The following RSPRY1 variants were observed in gnomAD, a reference collection of about 807,000 sequenced individuals.
RSPRY1 encodes the protein RING finger and SPRY domain-containing protein 1.
RSPRY1 carries 23 observed loss-of-function variants against 73.1 expected under a neutral mutation model. The observed-to-expected ratio is 0.31, with a 90% confidence interval of 0.23 to 0.45. The LOEUF is 0.45. RSPRY1 is among the 20% of genes least tolerant of loss of function. RSPRY1 has a pLI of 1.00. For missense variants in RSPRY1, 448 were observed against 698.7 expected (o/e 0.64, Z 4.05); for synonymous variants, 226 against 251.4 (o/e 0.90, Z 0.95).
chr16:57,236,532 C>G (rs2075302103), intron 14 of RSPRY1, among the ~76,000 whole-genome samples: 1 of 152,152 alleles, frequency 6.6e-6, no homozygotes, highest in African/African-American at 2.4e-5. Context: ...GACTGAAAAT[C>G]TAAGCATTCC....
intron 12 of RSPRY1, 43 bp downstream of exon 12, chr16:57,230,856 A>G: frequency 8.9e-7 from 1 of 1,122,218 alleles, no homozygotes; most frequent in Non-Finnish European, 1.3e-6. Flanking sequence ...AGATGCACGG[A>G]ATGCCCTTTT....
intron 8 of RSPRY1, 55 bp from the exon 9 acceptor site, chr16:57,220,677 C>A: frequency 8.4e-7 from 1 of 1,190,344 alleles, no homozygotes; most frequent in Non-Finnish European, 1.2e-6. Context: ...GCACTAGCTT[C>A]TTCTTTTCTC....
intron 1 of RSPRY1, among the ~76,000 whole-genome samples, chr16:57,197,894 C>T (rs10153056): frequency 0.84 from 126,540 of 151,284 alleles, 53,042 homozygotes; most frequent in Non-Finnish European, 0.88. Flanking sequence ...CAGCTAATTT[C>T]TTAATTTTTT....
intron 5 of RSPRY1, 122 bp downstream of exon 5, chr16:57,213,220 G>A (rs2074877872): frequency 2.1e-6 from 2 of 970,280 alleles, no homozygotes; most frequent in South Asian, 2.1e-5. Flanking sequence ...ATGATATTGA[G>A]AGACATAGAC....
At chr16:57,214,041 G>A in intron 6 of RSPRY1, 95 bp downstream of exon 6, 1 of 820,210 alleles carries the variant, frequency 1.2e-6, no homozygotes, top group Non-Finnish European at 2.1e-6. Context: ...ATAGCCACTG[G>A]CACAGAGAAT....
intron 11 of RSPRY1, among the ~76,000 whole-genome samples, chr16:57,229,344 T>C (rs2075170367): frequency 6.6e-6 from 1 of 152,198 alleles, no homozygotes; most frequent in Admixed American, 6.5e-5. Context: ...GCTCATACTT[T>C]TAATCCCAGC....
intron 11 of RSPRY1, among the ~76,000 whole-genome samples, chr16:57,228,093 G>GT (rs1161074533): frequency 6.6e-6 from 1 of 152,004 alleles, no homozygotes; most frequent in Non-Finnish European, 1.5e-5. Context: ...GGCCAACATG[G>GT]TGAAACCTCA....
intron 8 of RSPRY1, among the ~76,000 whole-genome samples, chr16:57,217,983 C>T (rs1250381749): frequency 2.6e-5 from 4 of 152,172 alleles, no homozygotes; most frequent in African/African-American, 9.7e-5. Context: ...AGCAGTGCTG[C>T]CTTTCCTAGC....
At chr16:57,219,323 T>C (rs2074997149) in intron 8 of RSPRY1, among the ~76,000 whole-genome samples, 1 of 152,226 alleles carries the variant, frequency 6.6e-6, no homozygotes, top group Admixed American at 6.5e-5. Flanking sequence ...CCAGCATTCA[T>C]TGTTGCCTGT....
intron 1 of RSPRY1, among the ~76,000 whole-genome samples, chr16:57,201,003 C>CG (rs1473220502): frequency 1.6e-5 from 2 of 122,238 alleles, no homozygotes; most frequent in Non-Finnish European, 3.5e-5. Flanking sequence ...GCTGGCCGGG[C>CG]GGGGGGCTGA....
chr16:57,239,024 T>A lies in RSPRY1; in HGVS notation c.*49T>A. On this transcript the variant is annotated 3_prime_UTR_variant, in exon 15 of 15. Coordinates refer to ENST00000394420, the MANE Select transcript of RSPRY1 (RefSeq NM_133368.3). ...CTTTTTTCTACTCAATTCCAGCCAA[T>A]GTTGAAAAGAAAAAGAAAAAAAAAA... The A allele has an allele frequency of 9.6e-7, 1 of 1,036,382 alleles. No homozygotes were observed. Among genetic ancestry groups the A allele is most frequent in the Non-Finnish European group, 1.4e-6 (1 of 691,456 alleles). 64.2% of individuals were successfully genotyped at this position (1,036,382 alleles called of 1,614,324 possible). A position where few individuals can be genotyped will look rare whatever the true frequency, so the allele number is the denominator to read the frequency against.
At chr16:57,198,134 C>G (rs1324498019) in intron 1 of RSPRY1, among the ~76,000 whole-genome samples, 2 of 151,976 alleles carry the variant, frequency 1.3e-5, no homozygotes, top group Non-Finnish European at 2.9e-5. Flanking sequence ...ACCTGTAATC[C>G]CAGCATTTTG....
In RSPRY1 at chr16:57,208,037, G is replaced by C. The variant is rs778072861; in HGVS notation, c.351-21G>C. 3.3e-6 allele frequency: 5 copies of C among 1,511,372 alleles called. No individual in the cohort carries two copies. The East Asian group carries it at 1.1e-4, about 34-fold the overall frequency. 93.6% of individuals were successfully genotyped at this position (1,511,372 alleles called of 1,614,324 possible). On this transcript the variant is annotated intron_variant, in intron 2 of 14. Transcript: ENST00000394420. ...CATTTATTATTTCCTCAGGTTTAAT[G>C]CCTTGAATTTTTTTTTCCAGTGATC...
Position 57,218,938 on chromosome 16 carries a change from G to A in RSPRY1, c.902-1794G>A, listed in dbSNP as rs372545171. ...TTTTTAGTAGAGACGGGGTTTCACC[G>A]TTTTAGCCGGGATGGTCTCGATCTC... On this transcript the variant is annotated intron_variant, in intron 8 of 14. Transcript: ENST00000394420. Among the ~76,000 whole-genome samples the A allele has an allele frequency of 6.3e-4, 78 of 124,684 alleles. 11 individuals are homozygous for A. The South Asian group carries it at 0.021, about 34-fold the overall frequency. 81.8% of individuals were successfully genotyped at this position (124,684 alleles called of 152,430 possible). A position where few individuals can be genotyped will look rare whatever the true frequency, so the allele number is the denominator to read the frequency against.
At chr16:57,228,486 T>A (rs191364328) in intron 11 of RSPRY1, among the ~76,000 whole-genome samples, 1 of 152,032 alleles carries the variant, frequency 6.6e-6, no homozygotes, top group African/African-American at 2.4e-5. Flanking sequence ...GCTTGTTTTT[T>A]AATAAGAATT....
chr16:57,230,571 G>A, intron 11 of RSPRY1, 140 bp from the exon 12 acceptor site: 1 of 518,054 alleles, frequency 1.9e-6, no homozygotes, highest in Admixed American at 3.3e-5. Flanking sequence ...ATCAGTTACA[G>A]AAGAAACAAA....
At chr16:57,195,760 C>T (rs1347870092) in intron 1 of RSPRY1, among the ~76,000 whole-genome samples, 1 of 151,396 alleles carries the variant, frequency 6.6e-6, no homozygotes, top group Non-Finnish European at 1.5e-5. Context: ...CGGTGGCTCA[C>T]ACCTGTAATC....
At chr16:57,202,154 C>G (rs2074629860) in intron 1 of RSPRY1, among the ~76,000 whole-genome samples, 1 of 145,920 alleles carries the variant, frequency 6.9e-6, no homozygotes, top group African/African-American at 2.5e-5. Flanking sequence ...GACCCCATCT[C>G]TAAAAAAATA....
intron 1 of RSPRY1, among the ~76,000 whole-genome samples, chr16:57,196,532 T>C (rs187788628): frequency 6.6e-6 from 1 of 152,294 alleles, no homozygotes; most frequent in East Asian, 1.9e-4. Flanking sequence ...CCAGAAATTC[T>C]GATTCTGGCT....
Sources: gnomAD v4.1 joint callset for allele counts (sites outside exome capture counted in the v4.1 genomes callset) on GRCh38, gnomAD v4.1.1 for gene constraint, MANE v1.5 for transcripts, NCBI Gene and HGNC (gene_info 2026-07-23, HGNC 2026-07-21) for gene names.